Variants in SUFU observed in about 807,000 individuals in gnomAD.
SUFU encodes the protein suppressor of fused homolog.
A neutral mutation model predicts 58.9 loss-of-function variants in SUFU; 7 were observed. The observed-to-expected ratio is 0.12, with a 90% confidence interval of 0.07 to 0.22. The LOEUF is 0.22. Ranked by LOEUF, SUFU falls within the 10% of genes least tolerant of loss-of-function variation. The pLI is 1.00. For synonymous variants in SUFU, 232 were observed against 254.8 expected (o/e 0.91, Z 0.85); for missense variants, 451 against 641.3 (o/e 0.70, Z 3.20).
chr10:102,545,939 AC>A (rs1451653018), intron 2 of SUFU, among the ~76,000 whole-genome samples: 1 of 152,216 alleles, frequency 6.6e-6, no homozygotes, highest in Non-Finnish European at 1.5e-5. Context: ...GCACCACTGC[AC>A]TCCAGCCTGG....
At chr10:102,532,047 C>T (rs1343694461) in intron 2 of SUFU, among the ~76,000 whole-genome samples, 1 of 152,020 alleles carries the variant, frequency 6.6e-6, no homozygotes, top group Non-Finnish European at 1.5e-5. Flanking sequence ...ACTGCAGCCT[C>T]TGCCTCCCGA....
At chr10:102,520,212 CTTTTTTTTTTTT>C (rs36020604) in intron 2 of SUFU, among the ~76,000 whole-genome samples, 4 of 113,554 alleles carry the variant, frequency 3.5e-5, no homozygotes, top group South Asian at 3.0e-4. Context: ...TTTTTTCTTT[CTTTTTTTTTTTT>C]TTTTTTTTTT....
intron 2 of SUFU, among the ~76,000 whole-genome samples, chr10:102,543,002 A>C (rs1053361126): frequency 5.9e-5 from 9 of 152,186 alleles, no homozygotes; most frequent in Admixed American, 3.9e-4. Context: ...GCATTTTCTT[A>C]CAGCACTTTG....
intron 3 of SUFU, among the ~76,000 whole-genome samples, chr10:102,576,839 C>T (rs2063216699): frequency 6.6e-6 from 1 of 152,100 alleles, no homozygotes. Context: ...TCCCAAGTAG[C>T]TGTGGAACTA....
chr10:102,540,633 A>T (rs922279611), intron 2 of SUFU, among the ~76,000 whole-genome samples: 2 of 152,018 alleles, frequency 1.3e-5, no homozygotes, highest in East Asian at 3.9e-4. Context: ...CCTGGGCAAC[A>T]GAGCAAGACT....
In SUFU at chr10:102,594,053, T is replaced by C; in HGVS notation, c.744T>C (p.Asp248=). The change falls in exon 6 of 12, where the codon GAT becomes GAC. Residue 248 remains aspartate, a synonymous_variant. Coordinates refer to ENST00000369902, the MANE Select transcript of SUFU (RefSeq NM_016169.4). ...MRRGETIFEI[D]PHLQERVDKG... ...GGGGAGAGACCATATTTGAGATCGATCCACACCTGCAAGTATGTCTTGAGT... is the reference window on the plus strand; with the variant it reads ...GGGGAGAGACCATATTTGAGATCGACCCACACCTGCAAGTATGTCTTGAGT... 6.2e-7 allele frequency: 1 copy of C among 1,614,122 alleles called. No homozygotes were observed. The highest frequency in any genetic ancestry group is 8.5e-7 in the Non-Finnish European group (1 of 1,179,992).
At chr10:102,552,183 T>C (rs967838040) in intron 3 of SUFU, among the ~76,000 whole-genome samples, 14 of 152,090 alleles carry the variant, frequency 9.2e-5, no homozygotes, top group Admixed American at 9.2e-4. Context: ...AAAATGTCAA[T>C]GCTCTAATCC....
intron 6 of SUFU, 76 bp from the exon 7 acceptor site, chr10:102,597,064 C>T (rs967498137): frequency 1.2e-5 from 18 of 1,532,870 alleles, no homozygotes; most frequent in African/African-American, 8.2e-5. Flanking sequence ...ACTGTAAGAG[C>T]AGTGGCTGAA....
At chr10:102,517,048 A>G (rs796476723) in intron 2 of SUFU, among the ~76,000 whole-genome samples, 7 of 149,852 alleles carry the variant, frequency 4.7e-5, no homozygotes, top group African/African-American at 1.7e-4. Context: ...GCTTGAATCC[A>G]GGAGGTGGAG....
chr10:102,585,237 C>T lies in SUFU; in HGVS notation c.455-7345C>T, dbSNP rs1387160045. Among the ~76,000 whole-genome samples the T allele has an allele frequency of 3.9e-5, 6 of 152,326 alleles. No individual in the cohort carries two copies. In the East Asian group the frequency reaches 1.2e-3, roughly 29 times the overall value. On this transcript the variant is annotated intron_variant, in intron 3 of 11. Coordinates refer to ENST00000369902, the MANE Select transcript of SUFU (RefSeq NM_016169.4). ...CCTCATATTGGTCACTCCCTATTCC[C>T]TCCAACCATCACAGCCCTAGACAAC...
intron 3 of SUFU, among the ~76,000 whole-genome samples, chr10:102,577,062 G>A (rs2063218749): frequency 6.7e-6 from 1 of 148,960 alleles, no homozygotes; most frequent in Admixed American, 6.8e-5. Context: ...AGGAGTAGAA[G>A]CATGTCCTGG....
chr10:102,617,666 A>G lies in SUFU; in HGVS notation c.1296+238A>G. 1 of 619,928 alleles carries G rather than the reference A, an allele frequency of 1.6e-6. No homozygotes were observed. 38.4% of individuals were successfully genotyped at this position (619,928 alleles called of 1,614,324 possible). On this transcript the variant is annotated intron_variant, in intron 10 of 11. Transcript: ENST00000369902. This position sits in a 1 kb window ranked among gnomAD's most constrained non-coding sequence, Gnocchi z 4.4. ...CCTGTCACCTGAGACACAAGTGTTA[A>G]CTCTCCAGGCCCTGGCTCTTGGTAA...
Position 102,630,564 on chromosome 10 carries a change from C to T in SUFU, c.*409C>T. 2.7e-6 allele frequency: 1 copy of T among 372,454 alleles called. No individual in the cohort carries two copies. Among genetic ancestry groups the T allele is most frequent in the Non-Finnish European group, 5.1e-6 (1 of 197,204 alleles). The allele number at this position is 372,454 out of a possible 1,614,324, so 23.1% of individuals were successfully genotyped here. A position where few individuals can be genotyped will look rare whatever the true frequency, so the allele number is the denominator to read the frequency against. ...CAGCCAGATGCAGAGCGAGTGGATG[C>T]ACTTCCCAGCTCATCTCTGGAAGCC... On this transcript the variant is annotated 3_prime_UTR_variant, in exon 12 of 12. Coordinates refer to ENST00000369902, the MANE Select transcript of SUFU (RefSeq NM_016169.4).
intron 3 of SUFU, among the ~76,000 whole-genome samples, chr10:102,567,019 T>TG (rs2063098278): frequency 9.0e-6 from 1 of 111,028 alleles, no homozygotes; most frequent in Non-Finnish European, 1.9e-5. Flanking sequence ...TTTTTTTTTT[T>TG]TTTTTTTTTT....
intron 2 of SUFU, among the ~76,000 whole-genome samples, chr10:102,514,149 A>T (rs2062436076): frequency 6.6e-6 from 1 of 152,112 alleles, no homozygotes; most frequent in Non-Finnish European, 1.5e-5. Context: ...GGCCTCTCAA[A>T]GTGCTGGAAT....
chr10:102,511,024 G>A (rs10786670), intron 2 of SUFU, among the ~76,000 whole-genome samples: 17,553 of 151,320 alleles, frequency 0.12, 1,456 homozygotes, highest in East Asian at 0.42. Context: ...GGGAGGCTGA[G>A]GCAGGATAAT....
intron 2 of SUFU, among the ~76,000 whole-genome samples, chr10:102,527,934 GCTTC>G (rs1233180382): frequency 6.6e-6 from 1 of 152,176 alleles, no homozygotes; most frequent in Admixed American, 6.5e-5. Flanking sequence ...AGGGCACCTC[GCTTC>G]CCAAATCAGA....
intron 7 of SUFU, among the ~76,000 whole-genome samples, chr10:102,597,887 T>C (rs2063479318): frequency 6.6e-6 from 1 of 152,252 alleles, no homozygotes; most frequent in Non-Finnish European, 1.5e-5. Context: ...GGAATCTCCC[T>C]GTGCTGATCT....
intron 1 of SUFU, among the ~76,000 whole-genome samples, chr10:102,506,052 A>G (rs930097760): frequency 4.0e-5 from 6 of 150,654 alleles, no homozygotes; most frequent in East Asian, 1.9e-4. Context: ...AAAAAAAAAA[A>G]AAAAAAAAAA....
Sources: allele counts gnomAD v4.1 joint callset (sites outside exome capture counted in the v4.1 genomes callset), GRCh38; gene constraint gnomAD v4.1.1; non-coding constraint Gnocchi (gnomAD v3.1); transcripts MANE v1.5; gene names NCBI Gene and HGNC (gene_info 2026-07-23, HGNC 2026-07-21).